EYS: variants seen among roughly 807,000 people sequenced by gnomAD.
The protein encoded by EYS is protein eyes shut homolog.
EYS carries 250 observed loss-of-function variants against 282.1 expected under a neutral mutation model. The ratio of observed to expected loss-of-function variants is 0.89; its 90% CI spans 0.80 to 0.98. The LOEUF is 0.98. EYS is among the 50% of genes least tolerant of loss of function. The pLI is 0.00. For missense variants in EYS, 4,016 were observed against 3,709.0 expected (o/e 1.08, Z -2.15); for synonymous variants, 1,355 against 1,282.9 (o/e 1.06, Z -1.20).
intron 35 of EYS, among the ~76,000 whole-genome samples, chr6:63,950,297 G>A (rs1407985395): frequency 1.3e-5 from 2 of 151,822 alleles, no homozygotes; most frequent in East Asian, 3.9e-4. Context: ...AATCACAAAA[G>A]AAGTGAAAAT....
chr6:63,891,380 T>C (rs986737879), intron 35 of EYS, among the ~76,000 whole-genome samples: 5 of 152,152 alleles, frequency 3.3e-5, no homozygotes, highest in Non-Finnish European at 7.4e-5. Context: ...TTAAAAAGCT[T>C]ATCCACGACC....
At chr6:64,740,619 T>A (rs1772337059) in intron 22 of EYS, among the ~76,000 whole-genome samples, 1 of 152,274 alleles carries the variant, frequency 6.6e-6, no homozygotes, top group Admixed American at 6.5e-5. Flanking sequence ...ACTTCCCATA[T>A]GTCTGTGAGA....
At chr6:63,738,107 G>A (rs1443554677) in intron 41 of EYS, among the ~76,000 whole-genome samples, 1 of 152,142 alleles carries the variant, frequency 6.6e-6, no homozygotes, top group Non-Finnish European at 1.5e-5. Flanking sequence ...GAGAGGATGT[G>A]GAGAAATAGG....
intron 19 of EYS, among the ~76,000 whole-genome samples, chr6:64,882,531 G>C (rs187361966): frequency 1.5e-3 from 225 of 151,158 alleles, no homozygotes; most frequent in African/African-American, 2.3e-3. Flanking sequence ...TGTTGCTGTC[G>C]TTGACAAAAA....
intron 31 of EYS, among the ~76,000 whole-genome samples, chr6:64,136,043 C>T (rs1056359566): frequency 1.3e-5 from 2 of 151,958 alleles, no homozygotes; most frequent in African/African-American, 4.8e-5. Context: ...CCTCTCAAAC[C>T]TTGCCACTGC....
chr6:65,647,467 A>T (rs929451171), intron 1 of EYS, among the ~76,000 whole-genome samples: 11 of 152,228 alleles, frequency 7.2e-5, no homozygotes, highest in Admixed American at 4.6e-4. Flanking sequence ...AGCCACATGT[A>T]GAAGAATGAA....
chr6:64,537,476 C>T (rs1028461508), intron 26 of EYS, among the ~76,000 whole-genome samples: 3 of 152,062 alleles, frequency 2.0e-5, no homozygotes, highest in African/African-American at 7.2e-5. Flanking sequence ...TAAATCAATA[C>T]ATTCTGACTT....
intron 35 of EYS, among the ~76,000 whole-genome samples, chr6:63,934,726 G>A (rs1224359419): frequency 2.1e-5 from 3 of 143,274 alleles, no homozygotes; most frequent in Non-Finnish European, 3.0e-5. Flanking sequence ...AGGAAGGGGA[G>A]CATCACACAC....
chr6:64,994,949 G>T (rs1034385833), intron 14 of EYS, among the ~76,000 whole-genome samples: 3 of 152,116 alleles, frequency 2.0e-5, no homozygotes, highest in African/African-American at 7.2e-5. Flanking sequence ...TGGCTCCTGG[G>T]AGATAACCTC....
intron 31 of EYS, among the ~76,000 whole-genome samples, chr6:64,181,370 T>G (rs1315009380): frequency 6.6e-6 from 1 of 152,126 alleles, no homozygotes; most frequent in Non-Finnish European, 1.5e-5. Flanking sequence ...GCAGATTATA[T>G]GCTCTATAAT....
At chr6:64,046,367 C>T (rs1191132251) in intron 33 of EYS, among the ~76,000 whole-genome samples, 1 of 151,930 alleles carries the variant, frequency 6.6e-6, no homozygotes, top group Non-Finnish European at 1.5e-5. Context: ...ATCTGTTTCT[C>T]TCTCTCTCTC....
At chr6:65,155,697 TCA>T (rs1341293054) in intron 12 of EYS, among the ~76,000 whole-genome samples, 1 of 151,516 alleles carries the variant, frequency 6.6e-6, no homozygotes, top group Non-Finnish European at 1.5e-5. Flanking sequence ...TATGATTTCC[TCA>T]GTTATTTATT....
chr6:65,180,236 T>C (rs12183442), intron 12 of EYS, among the ~76,000 whole-genome samples: 4,063 of 151,528 alleles, frequency 0.027, 139 homozygotes, highest in African/African-American at 0.08. Flanking sequence ...AAATAAAGGG[T>C]ATTCAATTAG....
chr6:63,934,916 CAAAAT>C (rs887362425), intron 35 of EYS, among the ~76,000 whole-genome samples: 6 of 151,970 alleles, frequency 3.9e-5, no homozygotes, highest in African/African-American at 1.5e-4. Context: ...ATAAAAATAA[CAAAAT>C]AAAAATAACA....
rs752123081 is a variant in EYS at position 65,475,735 on chromosome 6, TGACA to T, written c.862+14855_862+14858del. Among the ~76,000 whole-genome samples, 1,110 of 150,268 alleles carry T rather than the reference TGACA, an allele frequency of 7.4e-3. 12 individuals carry two copies. Among genetic ancestry groups the T allele is most frequent in the African/African-American group, 0.016 (654 of 40,910 alleles). The stretch of plus-strand genomic sequence containing the variant: ...TCATTTTATAAATTTTTGTACCCCC[TGACA>T]GACAGACAGACAGACAGACACACAC... On this transcript the variant is annotated intron_variant, in intron 5 of 42. Coordinates refer to ENST00000503581, the MANE Select transcript of EYS (RefSeq NM_001142800.2).
intron 19 of EYS, 35 bp downstream of exon 19, chr6:64,886,662 A>T: frequency 6.8e-7 from 1 of 1,476,586 alleles, no homozygotes; most frequent in East Asian, 2.7e-5. Context: ...GCAGACAGAA[A>T]TATGTTGCTG....
At chr6:65,508,867 C>T (rs1766759167) in intron 2 of EYS, among the ~76,000 whole-genome samples, 1 of 151,954 alleles carries the variant, frequency 6.6e-6, no homozygotes, top group East Asian at 1.9e-4. Context: ...TAACTCTTCC[C>T]CTCCCCACTC....
At chr6:64,583,994 C>T (rs1240793079) in intron 26 of EYS, among the ~76,000 whole-genome samples, 1 of 151,950 alleles carries the variant, frequency 6.6e-6, no homozygotes, top group East Asian at 1.9e-4. Context: ...AATTGATTTC[C>T]TGTCAACTAT....
At chr6:64,050,099 T>C (rs1449696892) in intron 33 of EYS, among the ~76,000 whole-genome samples, 1 of 152,196 alleles carries the variant, frequency 6.6e-6, no homozygotes. Flanking sequence ...AACATGTTAT[T>C]ATAGCAGTCA....
Sources: gnomAD v4.1 joint callset for allele counts (sites outside exome capture counted in the v4.1 genomes callset) on GRCh38, gnomAD v4.1.1 for gene constraint, MANE v1.5 for transcripts, NCBI Gene and HGNC (gene_info 2026-07-23, HGNC 2026-07-21) for gene names.